SATB1: variants seen among roughly 807,000 people sequenced by gnomAD.
The protein encoded by SATB1 is SATB homeobox 1.
A neutral mutation model predicts 86.9 loss-of-function variants in SATB1; 11 were observed. That is an observed-to-expected ratio of 0.13 (90% CI 0.08 to 0.21). SATB1 has a LOEUF of 0.21. SATB1 is among the 10% of genes least tolerant of loss of function. The pLI is 1.00. For synonymous variants in SATB1, 357 were observed against 357.2 expected, an observed-to-expected ratio of 1.00 and a Z score of 0.01; for missense variants, 551 against 937.6, an observed-to-expected ratio of 0.59 and a Z score of 5.39.
At chr3:18,442,625 TTA>T (rs544074663), upstream of SATB1, among the ~76,000 whole-genome samples, 7 of 152,330 alleles carry the variant, frequency 4.6e-5, no homozygotes, top group Middle Eastern at 3.4e-3. Context: ...ATTAAAGTAT[TTA>T]TGTCTGATGA....
intron 9 of SATB1, among the ~76,000 whole-genome samples, chr3:18,359,207 T>C (rs893796075): frequency 6.6e-6 from 1 of 152,010 alleles, no homozygotes; most frequent in Non-Finnish European, 1.5e-5. Context: ...TTAGGGCACA[T>C]GTGGATTTGG....
At chr3:18,358,775 G>A (rs1377877441) in intron 9 of SATB1, among the ~76,000 whole-genome samples, 1 of 151,944 alleles carries the variant, frequency 6.6e-6, no homozygotes, top group Non-Finnish European at 1.5e-5. Flanking sequence ...CTTTTTAAAT[G>A]TTACTATTCT....
intron 5 of SATB1, among the ~76,000 whole-genome samples, chr3:18,412,873 G>T (rs929220944): frequency 6.6e-5 from 10 of 151,962 alleles, no homozygotes; most frequent in Non-Finnish European, 1.0e-4. Flanking sequence ...CAGATTCATA[G>T]AAAAAGAGAA....
intron 8 of SATB1, among the ~76,000 whole-genome samples, chr3:18,379,479 A>C (rs1370432394): frequency 6.6e-6 from 1 of 152,246 alleles, no homozygotes; most frequent in African/African-American, 2.4e-5. Flanking sequence ...CATCCTGGAC[A>C]ATTTCTCACA....
intron 8 of SATB1, among the ~76,000 whole-genome samples, chr3:18,383,583 T>C (rs1364049087): frequency 3.9e-5 from 6 of 152,218 alleles, no homozygotes; most frequent in African/African-American, 7.2e-5. Flanking sequence ...AAATGTATAC[T>C]GATTTCACAT....
intron 7 of SATB1, among the ~76,000 whole-genome samples, chr3:18,387,085 G>T (rs1192217219): frequency 6.6e-6 from 1 of 152,072 alleles, no homozygotes; most frequent in Non-Finnish European, 1.5e-5. Flanking sequence ...TAGAACAAAG[G>T]TTATTACTAA....
chr3:18,437,971 T>G (rs1219575439), intron 1 of SATB1, among the ~76,000 whole-genome samples: 1 of 152,186 alleles, frequency 6.6e-6, no homozygotes, highest in South Asian at 2.1e-4. Context: ...TGATTTCCAT[T>G]GTCTGTTTCA....
chr3:18,367,626 T>C (rs1695250940), intron 9 of SATB1, among the ~76,000 whole-genome samples: 1 of 152,148 alleles, frequency 6.6e-6, no homozygotes, highest in Admixed American at 6.5e-5. Flanking sequence ...ATTCTTGTAG[T>C]CTAACGATTA....
At chr3:18,380,857 A>G (rs759918952) in intron 8 of SATB1, among the ~76,000 whole-genome samples, 5 of 152,192 alleles carry the variant, frequency 3.3e-5, no homozygotes, top group Non-Finnish European at 5.9e-5. Flanking sequence ...ACTAAGTACT[A>G]TTTTAGCTTA....
At position 18,345,958 on chromosome 3, in the gene SATB1, T is replaced by G. The variant is rs1330676546; in HGVS notation, c.*3212A>C. 6.6e-6 allele frequency: 1 copy of G among 152,120 alleles called. No homozygotes were observed. Among genetic ancestry groups the G allele is most frequent in the African/African-American group, 2.4e-5 (1 of 41,446 alleles). 9.4% of individuals were successfully genotyped at this position (152,120 alleles called of 1,614,324 possible). ...TTGAATCATCTGAGAATGTTTTCTA[T>G]TCAAGCCAGTATTTTTAGATAAACA... On this transcript the variant is annotated 3_prime_UTR_variant, in exon 11 of 11. Coordinates refer to ENST00000338745, the MANE Select transcript of SATB1 (RefSeq NM_002971.6).
intron 8 of SATB1, among the ~76,000 whole-genome samples, chr3:18,381,678 A>G (rs1696071695): frequency 6.6e-6 from 1 of 152,104 alleles, no homozygotes; most frequent in African/African-American, 2.4e-5. Context: ...CCTTTGATAA[A>G]TCTAGCTCAT....
chr3:18,402,730 C>T (rs939850025), intron 5 of SATB1, among the ~76,000 whole-genome samples: 3 of 152,070 alleles, frequency 2.0e-5, no homozygotes, highest in African/African-American at 7.2e-5. Context: ...ACTGTGATAT[C>T]ATGATCAAAA....
chr3:18,417,539 C>T (rs1020401164), intron 2 of SATB1: 3 of 618,140 alleles, frequency 4.9e-6, no homozygotes, highest in Non-Finnish European at 8.6e-6. Context: ...TGTGTCCAAA[C>T]AAATTATCTT....
At position 18,420,749 on chromosome 3, in the gene SATB1, G is replaced by T. The variant is rs768871978; in HGVS notation, c.211+8C>A. The T allele has an allele frequency of 3.7e-6, 6 of 1,611,254 alleles. No homozygotes were observed. Among genetic ancestry groups the T allele is most frequent in the South Asian group, 3.3e-5 (3 of 91,004 alleles). ...CAGCTTTTCAAGATTTGGCTTGAAG[G>T]TATTTACCTTTCCTAAGGTTGGTTT... is the stretch of plus-strand genomic sequence containing the variant. On this transcript the variant is annotated splice_region_variant and intron_variant, in intron 2 of 10. Coordinates refer to ENST00000338745, the MANE Select transcript of SATB1 (RefSeq NM_002971.6).
intron 9 of SATB1, among the ~76,000 whole-genome samples, chr3:18,359,089 T>G (rs1406824677): frequency 1.3e-5 from 2 of 152,044 alleles, no homozygotes; most frequent in Admixed American, 1.3e-4. Flanking sequence ...GTAAATGATC[T>G]TCATTTTTCA....
intron 5 of SATB1, among the ~76,000 whole-genome samples, chr3:18,401,547 T>G (rs1697267092): frequency 6.6e-6 from 1 of 152,076 alleles, no homozygotes; most frequent in Admixed American, 6.6e-5. Flanking sequence ...AGTTTCCTAT[T>G]CAGTGGCTGG....
chr3:18,389,730 T>C (rs1334082369), intron 7 of SATB1, among the ~76,000 whole-genome samples: 2 of 152,120 alleles, frequency 1.3e-5, no homozygotes, highest in African/African-American at 4.8e-5. Flanking sequence ...CAAGAATCAT[T>C]GGCGCTCAAT....
chr3:18,420,630 G>A, intron 2 of SATB1, 127 bp downstream of exon 2: 1 of 745,564 alleles, frequency 1.3e-6, no homozygotes, highest in Non-Finnish European at 2.3e-6. Flanking sequence ...TGTAACTAAT[G>A]TACGATCATA....
chr3:18,390,982 G>A lies in SATB1; in HGVS notation c.1206+3480C>T, dbSNP rs867413010. Among the ~76,000 whole-genome samples, 6 of 152,182 alleles carry A rather than the reference G, an allele frequency of 3.9e-5. No homozygotes were observed. The Middle Eastern group carries it at 0.01, about 259-fold the overall frequency. The stretch of plus-strand genomic sequence containing the variant: ...AAAAAGACATCAAGTAGGCATAACT[G>A]AATGAATGACATATGCTAAAAGCTG... On this transcript the variant is annotated intron_variant, in intron 7 of 10. Transcript: ENST00000338745.
Sources: gnomAD v4.1 joint callset for allele counts (sites outside exome capture counted in the v4.1 genomes callset) on GRCh38, gnomAD v4.1.1 for gene constraint, MANE v1.5 for transcripts, NCBI Gene and HGNC (gene_info 2026-07-23, HGNC 2026-07-21) for gene names.